Variants in CPT1A observed in about 807,000 individuals in gnomAD.
The protein encoded by CPT1A is carnitine O-palmitoyltransferase 1, liver isoform.
Under a neutral mutation model 100.8 loss-of-function variants are expected in CPT1A, and 64 were observed. That is an observed-to-expected ratio of 0.63 (90% CI 0.52 to 0.78). The LOEUF is 0.78. Ranked by LOEUF, CPT1A falls within the 30% of genes least tolerant of loss-of-function variation. The pLI is 0.00. For synonymous variants in CPT1A, 363 were observed against 396.0 expected (o/e 0.92, Z 0.99); for missense variants, 802 against 1,034.1 (o/e 0.78, Z 3.08).
intron 12 of CPT1A, among the ~76,000 whole-genome samples, chr11:68,776,439 A>G (rs1020521307): frequency 1.3e-5 from 2 of 152,210 alleles, no homozygotes; most frequent in Non-Finnish European, 2.9e-5. Context: ...AGAAAAAAGA[A>G]GCCAGACATA....
intron 11 of CPT1A, 130 bp from the exon 12 acceptor site, chr11:68,780,875 C>G: frequency 1.4e-6 from 1 of 726,394 alleles, no homozygotes; most frequent in Non-Finnish European, 2.5e-6. Context: ...TGAGCAGACA[C>G]TCAGTCTCTG....
chr11:68,761,891 G>GT (rs1239142145), intron 15 of CPT1A, among the ~76,000 whole-genome samples: 1 of 152,052 alleles, frequency 6.6e-6, no homozygotes, highest in Non-Finnish European at 1.5e-5. Context: ...GATTACAGGC[G>GT]TGAGTCACCG....
At chr11:68,771,766 G>A (rs1854996289) in intron 14 of CPT1A, among the ~76,000 whole-genome samples, 1 of 152,224 alleles carries the variant, frequency 6.6e-6, no homozygotes, top group Non-Finnish European at 1.5e-5. Context: ...TTTAGGTGGA[G>A]AGAGCATAGA....
rs546256464 is a variant in CPT1A, at chr11:68,812,550, C to T, written c.168G>A (p.Pro56=). The T allele has an allele frequency of 9.9e-6, 16 of 1,614,020 alleles. No homozygotes were observed. Among genetic ancestry groups the T allele is most frequent in the South Asian group, 7.7e-5 (7 of 91,086 alleles). The part of the protein sequence containing the change: ...FKNGIITGVY[P]ASPSSWLIVV... ...CGATAAGCCAACTGGAGGGGCTTGC[C>T]GGGTACACGCCAGTGATGATGCCGT... The change falls in exon 3 of 19, where the codon CCG becomes CCA. Residue 56 remains proline, a synonymous_variant. Coordinates refer to ENST00000265641, the MANE Select transcript of CPT1A (RefSeq NM_001876.4).
At chr11:68,779,141 C>T (rs758465942) in intron 12 of CPT1A, among the ~76,000 whole-genome samples, 28 of 152,120 alleles carry the variant, frequency 1.8e-4, no homozygotes, top group Non-Finnish European at 3.2e-4. Flanking sequence ...TCAAGAACAG[C>T]GAGGTGCTCA....
intron 3 of CPT1A, among the ~76,000 whole-genome samples, chr11:68,808,485 T>C (rs1352297132): frequency 6.6e-6 from 1 of 151,578 alleles, no homozygotes; most frequent in Non-Finnish European, 1.5e-5. Context: ...GATTCTCCCA[T>C]CTCAGCCTCC....
chr11:68,772,653 G>A (rs2060979), intron 14 of CPT1A, among the ~76,000 whole-genome samples: 31 of 152,164 alleles, frequency 2.0e-4, no homozygotes, highest in African/African-American at 7.2e-4. Context: ...GGCCAGAGAC[G>A]TTAAGTAATT....
intron 3 of CPT1A, among the ~76,000 whole-genome samples, chr11:68,809,721 C>T (rs1232155401): frequency 6.6e-6 from 1 of 152,222 alleles, no homozygotes; most frequent in African/African-American, 2.4e-5. Flanking sequence ...GGCCCTTAAC[C>T]CGGCCTTTCT....
At chr11:68,825,669 G>A (rs527964981) in intron 1 of CPT1A, among the ~76,000 whole-genome samples, 4 of 151,034 alleles carry the variant, frequency 2.6e-5, no homozygotes, top group East Asian at 2.0e-4. Flanking sequence ...GCCTCCCCGA[G>A]TGCCCGCCTC....
chr11:68,784,261 C>T (rs916123424), intron 10 of CPT1A, among the ~76,000 whole-genome samples: 3 of 152,182 alleles, frequency 2.0e-5, no homozygotes, highest in African/African-American at 4.8e-5. Context: ...CCCACAGCCC[C>T]GTAAGAAAGG....
chr11:68,781,632 A>G, intron 11 of CPT1A, 139 bp downstream of exon 11: 2 of 866,660 alleles, frequency 2.3e-6, no homozygotes, highest in Admixed American at 1.9e-5. Context: ...AAAATAAAAT[A>G]AAATAAAACT....
rs182994946 is a variant in CPT1A at position 68,787,813 on chromosome 11, G to A, written c.968-2803C>T. 4.6e-5 allele frequency among the ~76,000 whole-genome samples: 7 copies of A among 152,018 alleles called. No homozygotes were observed. The East Asian group carries it at 5.8e-4, about 13-fold the overall frequency. On this transcript the variant is annotated intron_variant, in intron 9 of 18. Coordinates refer to ENST00000265641, the MANE Select transcript of CPT1A (RefSeq NM_001876.4). ...ACAAAAATTAGCCAGGCGTGGTGGC[G>A]GACACCTGTAGTCCCAGCTACTTGG...
intron 1 of CPT1A, among the ~76,000 whole-genome samples, chr11:68,821,602 T>C (rs1049730974): frequency 2.8e-4 from 42 of 152,256 alleles, no homozygotes; most frequent in Non-Finnish European, 6.0e-4. Context: ...TCCTGTATAC[T>C]TTAAGTCATC....
At chr11:68,761,193 T>C (rs1020656337) in intron 16 of CPT1A, among the ~76,000 whole-genome samples, 52 of 150,774 alleles carry the variant, frequency 3.4e-4, no homozygotes, top group African/African-American at 1.1e-3. Flanking sequence ...ACAATAATAA[T>C]ATATTTCATA....
chr11:68,793,029 CAGAG>C (rs1373047427), intron 9 of CPT1A, among the ~76,000 whole-genome samples: 2 of 146,296 alleles, frequency 1.4e-5, no homozygotes, highest in Middle Eastern at 3.5e-3. Context: ...GCCTGGGTGG[CAGAG>C]AGAGACCTCA....
At chr11:68,780,923 A>G (rs1855292261) in intron 11 of CPT1A, among the ~76,000 whole-genome samples, 178 bp from the exon 12 acceptor site, 1 of 152,016 alleles carries the variant, frequency 6.6e-6, no homozygotes, top group Non-Finnish European at 1.5e-5. Flanking sequence ...ACACTGAATC[A>G]CTCATTTCTT....
chr11:68,802,135 A>G (rs1855918036), intron 5 of CPT1A, among the ~76,000 whole-genome samples: 1 of 152,046 alleles, frequency 6.6e-6, no homozygotes. Context: ...AAGGATGGGG[A>G]GTGACTGCTT....
At chr11:68,831,248 AT>A (rs1033320021) in intron 1 of CPT1A, among the ~76,000 whole-genome samples, 10 of 152,154 alleles carry the variant, frequency 6.6e-5, no homozygotes, top group Admixed American at 5.2e-4. Flanking sequence ...ACAGGTCCCT[AT>A]GCCCTTTGAG....
intron 2 of CPT1A, 79 bp downstream of exon 2, chr11:68,815,255 T>C (rs1015192417): frequency 2.1e-6 from 3 of 1,455,432 alleles, no homozygotes; most frequent in East Asian, 2.3e-5. Context: ...CTGAAACACG[T>C]AGACCTCAAT....
Sources: allele counts gnomAD v4.1 joint callset (sites outside exome capture counted in the v4.1 genomes callset), GRCh38; gene constraint gnomAD v4.1.1; transcripts MANE v1.5; gene names NCBI Gene and HGNC (gene_info 2026-07-23, HGNC 2026-07-21).